The following TTC28 variants were observed in gnomAD, a reference collection of about 807,000 sequenced individuals.
TTC28 encodes the protein tetratricopeptide repeat protein 28.
In TTC28, 61 loss-of-function variants were observed where a neutral mutation model predicts 198.0. That is an observed-to-expected ratio of 0.31 (90% CI 0.25 to 0.38). The LOEUF (loss-of-function observed/expected upper bound fraction) is 0.38. Ranked by LOEUF, TTC28 falls within the 10% of genes least tolerant of loss-of-function variation. The probability of loss-of-function intolerance (pLI) is 1.00; values close to 1 mark genes in which losing one functional copy is unlikely to be tolerated. For missense variants in TTC28, 2,678 were observed against 3,164.0 expected (o/e 0.85, Z 3.69); for synonymous variants, 1,171 against 1,297.8 (o/e 0.90, Z 2.10).
intron 5 of TTC28, among the ~76,000 whole-genome samples, chr22:28,164,848 G>A (rs1288913100): frequency 2.0e-5 from 3 of 152,196 alleles, no homozygotes; most frequent in Non-Finnish European, 1.5e-5. Flanking sequence ...GACGAGTTGA[G>A]AGAAGAAGGC....
At chr22:28,581,038 G>C (rs1601590035) in intron 2 of TTC28, among the ~76,000 whole-genome samples, 1 of 152,034 alleles carries the variant, frequency 6.6e-6, no homozygotes, top group South Asian at 2.1e-4. Flanking sequence ...AATATGGTTT[G>C]GATTTGTGTC....
chr22:28,060,727 T>C (rs900547195), intron 12 of TTC28, among the ~76,000 whole-genome samples: 1 of 152,288 alleles, frequency 6.6e-6, no homozygotes, highest in Non-Finnish European at 1.5e-5. Context: ...GTAAAAGTGT[T>C]CCTATTTCTC....
At chr22:28,401,318 T>C (rs1052952237) in intron 2 of TTC28, among the ~76,000 whole-genome samples, 1 of 152,008 alleles carries the variant, frequency 6.6e-6, no homozygotes, top group Non-Finnish European at 1.5e-5. Context: ...ACACATTCAT[T>C]AAAAAACTAA....
In TTC28 at chr22:27,978,848, G is replaced by A. The variant is rs1936928139; in HGVS notation, c.*3373C>T. ...CTGCTGAGGTTTCTAAGAGAGGGGA[G>A]TTGTACGGCTTATAGTCATTGTATT... On this transcript the variant is annotated 3_prime_UTR_variant, in exon 23 of 23. Transcript: ENST00000397906. The A allele has an allele frequency of 6.6e-6, 1 of 152,212 alleles. No individual in the cohort carries two copies. Among genetic ancestry groups the A allele is most frequent in the Admixed American group, 6.5e-5 (1 of 15,284 alleles). 9.4% of individuals were successfully genotyped at this position (152,212 alleles called of 1,614,324 possible). A position where few individuals can be genotyped will look rare whatever the true frequency, so the allele number is the denominator to read the frequency against.
intron 5 of TTC28, among the ~76,000 whole-genome samples, chr22:28,204,589 A>G (rs1926240681): frequency 6.6e-6 from 1 of 152,118 alleles, no homozygotes; most frequent in African/African-American, 2.4e-5. Context: ...CCTGACTCTC[A>G]TCACTCCGTG....
chr22:28,340,606 C>A (rs1488976257), intron 2 of TTC28, among the ~76,000 whole-genome samples: 1 of 152,166 alleles, frequency 6.6e-6, no homozygotes, highest in African/African-American at 2.4e-5. Flanking sequence ...ATAAGCCAGG[C>A]TATTTCTTTC....
intron 2 of TTC28, among the ~76,000 whole-genome samples, chr22:28,535,633 T>C (rs2049250659): frequency 6.6e-6 from 1 of 152,090 alleles, no homozygotes; most frequent in Admixed American, 6.6e-5. Context: ...TCAAATTGTA[T>C]CCCCAGTGTT....
chr22:28,094,955 CA>C (rs1941928743), intron 11 of TTC28, among the ~76,000 whole-genome samples: 1 of 151,914 alleles, frequency 6.6e-6, no homozygotes, highest in South Asian at 2.1e-4. Context: ...TCATTAAGAG[CA>C]AAAAGGAACG....
At chr22:28,058,022 C>T (rs1303680245) in intron 12 of TTC28, among the ~76,000 whole-genome samples, 1 of 152,070 alleles carries the variant, frequency 6.6e-6, no homozygotes, top group Non-Finnish European at 1.5e-5. Context: ...AAGTAGTATA[C>T]ATTCTCCAAC....
At chr22:28,505,211 C>T (rs1298853700) in intron 2 of TTC28, among the ~76,000 whole-genome samples, 5 of 137,826 alleles carry the variant, frequency 3.6e-5, no homozygotes, top group East Asian at 2.2e-4. Context: ...GAGCCGAGAT[C>T]GTGCCACTGC....
At chr22:28,451,919 G>T (rs888777739) in intron 2 of TTC28, among the ~76,000 whole-genome samples, 1 of 152,092 alleles carries the variant, frequency 6.6e-6, no homozygotes, top group Non-Finnish European at 1.5e-5. Context: ...AGATTCAGTG[G>T]TCACATATTT....
rs530377123 is a variant in TTC28 at position 28,455,554 on chromosome 22, A to T, written c.382-148911T>A. 1.2e-4 allele frequency among the ~76,000 whole-genome samples: 19 copies of T among 152,098 alleles called. No homozygotes were observed. The East Asian group carries it at 3.7e-3, about 30-fold the overall frequency. ...CATAGTGAAATTCCATCTCCCTAAA[A>T]ATACAAAAATTGGCCAGGCGTGGCC... On this transcript the variant is annotated intron_variant, in intron 2 of 22. Transcript: ENST00000397906.
At chr22:28,221,873 C>T (rs1438666389) in intron 5 of TTC28, among the ~76,000 whole-genome samples, 2 of 152,160 alleles carry the variant, frequency 1.3e-5, no homozygotes, top group Non-Finnish European at 2.9e-5. Flanking sequence ...ACCTAACAGA[C>T]TATGAATATG....
rs1921408714 is a variant in TTC28 at position 28,163,016 on chromosome 22, A to T, written c.1441+76T>A. ...TAAATATAAACACACAGATTCCTAT[A>T]AAAGATAGTGATCTACTCCAGCTAT... On this transcript the variant is annotated intron_variant, in intron 6 of 22. Transcript: ENST00000397906. 2.1e-6 allele frequency: 3 copies of T among 1,421,968 alleles called. No individual in the cohort carries two copies. In the Admixed American group the frequency reaches 8.2e-5, roughly 39 times the overall value. The allele number at this position is 1,421,968 out of a possible 1,614,324, so 88.1% of individuals were successfully genotyped here.
chr22:28,550,898 C>T (rs919898038), intron 2 of TTC28, among the ~76,000 whole-genome samples: 2 of 151,976 alleles, frequency 1.3e-5, no homozygotes, highest in Admixed American at 1.3e-4. Context: ...CAAAAGCAAG[C>T]AGGAACAACT....
intron 5 of TTC28, among the ~76,000 whole-genome samples, chr22:28,164,250 C>G (rs1415766850): frequency 1.3e-5 from 2 of 152,186 alleles, no homozygotes; most frequent in Non-Finnish European, 2.9e-5. Flanking sequence ...ACAGCAGTAA[C>G]CTCTGCAGAC....
At chr22:28,120,988 G>A (rs1263367587) in intron 6 of TTC28, among the ~76,000 whole-genome samples, 2 of 152,260 alleles carry the variant, frequency 1.3e-5, no homozygotes, top group East Asian at 3.9e-4. Flanking sequence ...TTTGGTTAGG[G>A]CAATTTCAAA....
chr22:28,645,967 A>G (rs752708542), intron 1 of TTC28, among the ~76,000 whole-genome samples: 5 of 152,088 alleles, frequency 3.3e-5, no homozygotes, highest in Non-Finnish European at 7.4e-5. Flanking sequence ...TCAACAACAT[A>G]CTGAACGGGG....
Position 27,981,230 on chromosome 22 carries a change from A to ATTTTTTTTTTTTTTTTTT in TTC28, c.*973_*990dup, listed in dbSNP as rs138635. On this transcript the variant is annotated 3_prime_UTR_variant, in exon 23 of 23. Coordinates refer to ENST00000397906, the MANE Select transcript of TTC28 (RefSeq NM_001145418.2). The stretch of plus-strand genomic sequence containing the variant: ...TGGTTAAATCTAGTTAGCCATGGAA[A>ATTTTTTTTTTTTTTTTTT]TTTTTTTTTTTTTTTTTTTTTTTTT... 1.7e-4 allele frequency: 8 copies of ATTTTTTTTTTTTTTTTTT among 48,218 alleles called. 2 individuals carry two copies. Among genetic ancestry groups the ATTTTTTTTTTTTTTTTTT allele is most frequent in the South Asian group, 9.7e-4 (1 of 1,036 alleles). 3.0% of individuals were successfully genotyped at this position (48,218 alleles called of 1,614,324 possible).
Sources: allele counts gnomAD v4.1 joint callset (sites outside exome capture counted in the v4.1 genomes callset), GRCh38; gene constraint gnomAD v4.1.1; transcripts MANE v1.5; gene names NCBI Gene and HGNC (gene_info 2026-07-23, HGNC 2026-07-21).